The following SV2C variants were observed in gnomAD, a reference collection of about 807,000 sequenced individuals.
SV2C encodes the protein synaptic vesicle glycoprotein 2C, also known as solute carrier family 22 member B3.
Under a neutral mutation model 79.7 loss-of-function variants are expected in SV2C, and 49 were observed. The ratio of observed to expected loss-of-function variants is 0.61; its 90% CI spans 0.49 to 0.78. The LOEUF (loss-of-function observed/expected upper bound fraction) is 0.78. Ranked by LOEUF, SV2C falls within the 30% of genes least tolerant of loss-of-function variation. SV2C has a pLI of 0.00. For synonymous variants in SV2C, 334 were observed against 333.2 expected (o/e 1.00, Z -0.03); for missense variants, 833 against 912.9 (o/e 0.91, Z 1.13).
chr5:75,996,278 A>G, the SV2C span, among the ~76,000 whole-genome samples: 25 of 152,176 alleles, frequency 1.6e-4, no homozygotes, highest in Admixed American at 3.9e-4. Flanking sequence ...CAGGTTTGTC[A>G]AAGATCAGAT....
the SV2C span, among the ~76,000 whole-genome samples, chr5:75,961,432 A>G: frequency 6.6e-6 from 1 of 152,054 alleles, no homozygotes; most frequent in African/African-American, 2.4e-5. Flanking sequence ...ATCTAAAGGA[A>G]TAAAACAAAG....
the SV2C span, among the ~76,000 whole-genome samples, chr5:75,999,548 G>A: frequency 3.3e-5 from 5 of 152,154 alleles, no homozygotes; most frequent in South Asian, 2.1e-4. Flanking sequence ...GAAGCCTATG[G>A]TATAACTTCC....
intron 1 of SV2C, among the ~76,000 whole-genome samples, chr5:76,121,117 A>T (rs1748479291): frequency 6.6e-6 from 1 of 151,228 alleles, no homozygotes; most frequent in South Asian, 2.1e-4. Flanking sequence ...TCTGATGGCC[A>T]GTGATGATGA....
At chr5:75,905,923 T>A in the SV2C span, among the ~76,000 whole-genome samples, 2 of 147,172 alleles carry the variant, frequency 1.4e-5, no homozygotes, top group Non-Finnish European at 1.5e-5. Context: ...TTAGTTAAGA[T>A]GAAGTCATAC....
the SV2C span, among the ~76,000 whole-genome samples, chr5:76,013,195 G>A: frequency 2.0e-4 from 30 of 152,192 alleles, no homozygotes; most frequent in Non-Finnish European, 2.9e-4. Flanking sequence ...ATTACTTTAG[G>A]CAGTATGGCC....
the SV2C span, among the ~76,000 whole-genome samples, chr5:75,983,597 T>TA: frequency 6.7e-5 from 7 of 104,778 alleles, no homozygotes; most frequent in African/African-American, 2.0e-4. Context: ...TGGGCCAGCT[T>TA]TAAAAAAAAA....
chr5:75,876,467 G>A, the SV2C span, among the ~76,000 whole-genome samples: 2 of 151,970 alleles, frequency 1.3e-5, no homozygotes, highest in Non-Finnish European at 2.9e-5. Context: ...TGACTATTGG[G>A]TACTGGGCTT....
At chr5:76,066,492 C>T in the SV2C span, among the ~76,000 whole-genome samples, 1 of 149,694 alleles carries the variant, frequency 6.7e-6, no homozygotes, top group Non-Finnish European at 1.5e-5. Flanking sequence ...CATTAGGAGA[C>T]ATACCTAATG....
the SV2C span, among the ~76,000 whole-genome samples, chr5:75,953,228 T>C: frequency 6.6e-6 from 1 of 151,858 alleles, no homozygotes; most frequent in African/African-American, 2.4e-5. Flanking sequence ...AATAGAATAA[T>C]GACTAGCTCT....
chr5:76,041,401 C>T, the SV2C span, among the ~76,000 whole-genome samples: 2 of 152,016 alleles, frequency 1.3e-5, no homozygotes, highest in African/African-American at 4.8e-5. Context: ...ATTTTGCTAC[C>T]CTCTCTCCAG....
At chr5:75,940,717 A>T in the SV2C span, among the ~76,000 whole-genome samples, 1 of 152,216 alleles carries the variant, frequency 6.6e-6, no homozygotes. Flanking sequence ...AAATGATCCT[A>T]ACAGTAGTTA....
At chr5:76,092,817 T>C (rs922969643) in intron 1 of SV2C, among the ~76,000 whole-genome samples, 23 of 152,164 alleles carry the variant, frequency 1.5e-4, no homozygotes, top group African/African-American at 5.6e-4. Flanking sequence ...CTCCTAATCA[T>C]CCTTCAATCC....
At chr5:76,283,632 A>G (rs1044745441) in intron 4 of SV2C, among the ~76,000 whole-genome samples, 6 of 152,224 alleles carry the variant, frequency 3.9e-5, no homozygotes, top group Non-Finnish European at 7.3e-5. Flanking sequence ...CTTCTGCTAC[A>G]TAAAACATCA....
the SV2C span, among the ~76,000 whole-genome samples, chr5:75,937,356 C>G: frequency 1.3e-5 from 2 of 152,240 alleles, no homozygotes; most frequent in South Asian, 2.1e-4. Context: ...ATTACTTCCT[C>G]TTTTACATCT....
At chr5:75,903,677 A>G in the SV2C span, among the ~76,000 whole-genome samples, 1 of 152,216 alleles carries the variant, frequency 6.6e-6, no homozygotes, top group African/African-American at 2.4e-5. Flanking sequence ...CCTTGTTCTC[A>G]CAGCTCAGAT....
intron 2 of SV2C, among the ~76,000 whole-genome samples, chr5:76,158,364 A>G (rs1742802710): frequency 6.6e-6 from 1 of 151,850 alleles, no homozygotes; most frequent in South Asian, 2.1e-4. Context: ...AAGATATACC[A>G]TGTAAACAGC....
the SV2C span, among the ~76,000 whole-genome samples, chr5:75,848,688 T>A: frequency 6.6e-6 from 1 of 152,018 alleles, no homozygotes; most frequent in African/African-American, 2.4e-5. Flanking sequence ...TGTCTCAAGA[T>A]AGGAGGGGTT....
intron 4 of SV2C, among the ~76,000 whole-genome samples, chr5:76,252,631 A>G (rs1746150190): frequency 6.6e-6 from 1 of 152,206 alleles, no homozygotes; most frequent in Non-Finnish European, 1.5e-5. Context: ...ACTCACTCTA[A>G]ATAGGCAAGT....
intron 12 of SV2C, among the ~76,000 whole-genome samples, chr5:76,349,312 G>T (rs1389252880): frequency 6.6e-6 from 1 of 152,152 alleles, no homozygotes; most frequent in East Asian, 1.9e-4. Context: ...AGGAGTTCGA[G>T]ACCAGGCTGG....
Sources: allele counts gnomAD v4.1 joint callset (sites outside exome capture counted in the v4.1 genomes callset), GRCh38; gene constraint gnomAD v4.1.1; transcripts MANE v1.5; gene names NCBI Gene and HGNC (gene_info 2026-07-23, HGNC 2026-07-21).